The following PDE1C variants were observed in gnomAD, a reference collection of about 807,000 sequenced individuals.
PDE1C encodes dual specificity calcium/calmodulin-dependent 3',5'-cyclic nucleotide phosphodiesterase 1C.
In PDE1C, 62 loss-of-function variants were observed where a neutral mutation model predicts 93.1. The observed-to-expected ratio is 0.67, with a 90% confidence interval of 0.54 to 0.82. PDE1C has a LOEUF of 0.82. Among genes scored for constraint, PDE1C ranks in the 40% least tolerant of loss-of-function variants. The pLI is 0.00. For missense variants in PDE1C, 742 were observed against 884.6 expected (o/e 0.84, Z 2.04); for synonymous variants, 325 against 310.1 (o/e 1.05, Z -0.50).
chr7:32,010,274 T>G (rs924560187), intron 2 of PDE1C, among the ~76,000 whole-genome samples: 4 of 152,204 alleles, frequency 2.6e-5, no homozygotes, highest in African/African-American at 9.6e-5. Context: ...GAAGGCAGAT[T>G]GGTATTAGCA....
At chr7:31,666,842 A>G in the PDE1C span, among the ~76,000 whole-genome samples, 1 of 151,946 alleles carries the variant, frequency 6.6e-6, no homozygotes, top group Admixed American at 6.6e-5. Flanking sequence ...TACCAGATGT[A>G]TGTTGTTTAC....
intron 1 of PDE1C, among the ~76,000 whole-genome samples, chr7:32,401,403 G>A (rs112979972): frequency 0.039 from 5,885 of 152,036 alleles, 278 homozygotes; most frequent in African/African-American, 0.12. Flanking sequence ...TAGGCGTGGT[G>A]GCACGTGCCT....
intron 3 of PDE1C, among the ~76,000 whole-genome samples, chr7:32,094,070 G>A (rs1250626707): frequency 1.3e-5 from 2 of 152,252 alleles, no homozygotes; most frequent in African/African-American, 4.8e-5. Context: ...ACTCTCGCAA[G>A]TGTCCCCCAT....
chr7:32,280,409 A>G (rs1322910802), intron 1 of PDE1C, among the ~76,000 whole-genome samples: 1 of 152,228 alleles, frequency 6.6e-6, no homozygotes, highest in Non-Finnish European at 1.5e-5. Flanking sequence ...TGTCTTCATC[A>G]GGTCAAACAG....
At chr7:31,663,300 C>T in the PDE1C span, among the ~76,000 whole-genome samples, 4 of 152,150 alleles carry the variant, frequency 2.6e-5, no homozygotes, top group African/African-American at 7.2e-5. Flanking sequence ...TCCCCAATTC[C>T]GCCACCACTG....
intron 2 of PDE1C, among the ~76,000 whole-genome samples, chr7:31,911,579 C>A (rs1298263328): frequency 1.3e-5 from 2 of 152,188 alleles, no homozygotes; most frequent in Admixed American, 6.6e-5. Flanking sequence ...CACCCTGGAT[C>A]TTCACTTCTG....
In PDE1C at chr7:32,312,859, C is replaced by A. The variant is rs963792067; in HGVS notation, c.311-103320G>T. On this transcript the variant is annotated intron_variant, in intron 1 of 1. Transcript: ENST00000672256. ...ATAGGCATAGGCAAGGACTTCATGT[C>A]TAAAACACCAAAAGCAATGGCAACA... Among the ~76,000 whole-genome samples, 465 of 152,278 alleles carry A rather than the reference C, an allele frequency of 3.1e-3. 3 individuals are homozygous for A. Among genetic ancestry groups the A allele is most frequent in the African/African-American group, 0.01 (433 of 41,564 alleles).
At chr7:32,230,903 A>ATCTTT (rs71559214) in intron 1 of PDE1C, among the ~76,000 whole-genome samples, 15,931 of 152,102 alleles carry the variant, frequency 0.1, 881 homozygotes, top group East Asian at 0.13. Flanking sequence ...CTGTGCAACT[A>ATCTTT]TCTTTTCTTC....
intron 2 of PDE1C, among the ~76,000 whole-genome samples, chr7:31,957,756 T>C (rs1463567738): frequency 6.6e-6 from 1 of 152,170 alleles, no homozygotes; most frequent in African/African-American, 2.4e-5. Flanking sequence ...AGATGTGGCG[T>C]TGGTATTGCT....
At chr7:31,681,607 G>A in the PDE1C span, among the ~76,000 whole-genome samples, 1 of 152,086 alleles carries the variant, frequency 6.6e-6, no homozygotes, top group Non-Finnish European at 1.5e-5. Flanking sequence ...TTCTGCGTCT[G>A]TCTCTCTCAT....
At chr7:32,053,202 A>C (rs1793616280) in intron 1 of PDE1C, among the ~76,000 whole-genome samples, 1 of 152,214 alleles carries the variant, frequency 6.6e-6, no homozygotes, top group South Asian at 2.1e-4. Flanking sequence ...GGGAAGAATC[A>C]GAGCCCCTCT....
Position 32,424,837 on chromosome 7 carries a change from A to T in PDE1C, c.310+2985T>A, listed in dbSNP as rs1785497729. Among the ~76,000 whole-genome samples, 6 of 152,242 alleles carry T rather than the reference A, an allele frequency of 3.9e-5. No homozygotes were observed. In the South Asian group the frequency reaches 1.2e-3, roughly 32 times the overall value. ...ACTAAGACCCTGTCTCAAAACTAAAATAAAAATAAATAAATAAACTAAAGA... is the reference window on the plus strand; with the variant it reads ...ACTAAGACCCTGTCTCAAAACTAAATTAAAAATAAATAAATAAACTAAAGA... On this transcript the variant is annotated intron_variant, in intron 1 of 1. Coordinates refer to the PDE1C transcript ENST00000672256.
intron 1 of PDE1C, among the ~76,000 whole-genome samples, chr7:32,368,965 C>T (rs1338853734): frequency 1.3e-5 from 2 of 152,082 alleles, no homozygotes; most frequent in African/African-American, 4.8e-5. Context: ...AAACTAGACC[C>T]CCATATGTCA....
At chr7:31,666,217 A>T in the PDE1C span, among the ~76,000 whole-genome samples, 3 of 152,246 alleles carry the variant, frequency 2.0e-5, no homozygotes, top group Middle Eastern at 3.2e-3. Context: ...CTAATCACAA[A>T]TGCAAATAAT....
At chr7:32,382,898 C>A (rs947699459) in intron 1 of PDE1C, among the ~76,000 whole-genome samples, 36 of 152,182 alleles carry the variant, frequency 2.4e-4, no homozygotes, top group Non-Finnish European at 4.4e-5. Flanking sequence ...ACCCTGTGGA[C>A]CTCTCTGCTT....
chr7:32,065,054 G>GA (rs1795228071), intron 1 of PDE1C, among the ~76,000 whole-genome samples: 6 of 25,580 alleles, frequency 2.3e-4, no homozygotes, highest in African/African-American at 3.7e-4. Context: ...ACGGCGGTGG[G>GA]GGGGGGGGGG....
chr7:32,041,750 C>A (rs995536251), intron 2 of PDE1C, among the ~76,000 whole-genome samples: 2 of 152,054 alleles, frequency 1.3e-5, no homozygotes, highest in African/African-American at 2.4e-5. Flanking sequence ...AGGATTTTTC[C>A]CTTTCAATCA....
rs60176463 is a variant in PDE1C, at chr7:32,008,710, C to T, written c.128+42844G>A. Among the ~76,000 whole-genome samples the T allele has an allele frequency of 2.5e-3, 379 of 152,146 alleles. 3 individuals carry two copies. The highest frequency in any genetic ancestry group is 8.7e-3 in the African/African-American group (361 of 41,482). ...ATTATTGCAAAGGAGTTTGTGAATT[C>T]ATACGCACATCTGCACTGTTAGTGA... On this transcript the variant is annotated intron_variant, in intron 2 of 17. Transcript: ENST00000396191.
chr7:32,373,911 C>A lies in PDE1C; in HGVS notation c.310+53911G>T, dbSNP rs571026026. On this transcript the variant is annotated intron_variant, in intron 1 of 1. Transcript: ENST00000672256. ...GTGAGGCAGGAGAATCACTTGAACC[C>A]AGAAGGCAGAGGTTGCAGTGAGCCA... Among the ~76,000 whole-genome samples, 3 of 152,112 alleles carry A rather than the reference C, an allele frequency of 2.0e-5. No homozygotes were observed. The South Asian group carries it at 6.2e-4, about 32-fold the overall frequency.
Sources: allele counts gnomAD v4.1 joint callset (sites outside exome capture counted in the v4.1 genomes callset), GRCh38; gene constraint gnomAD v4.1.1; transcripts MANE v1.5; gene names NCBI Gene and HGNC (gene_info 2026-07-23, HGNC 2026-07-21).